Variants in ME1 observed in about 807,000 individuals in gnomAD.
ME1 encodes the protein malic enzyme 1.
In ME1, 74 loss-of-function variants were observed where a neutral mutation model predicts 66.4. The observed-to-expected ratio is 1.11, with a 90% CI of 0.92 to 1.35. ME1 has a LOEUF of 1.35. Ranked by LOEUF, ME1 falls within the 40% of genes most tolerant of loss-of-function variation. The pLI is 0.00. For missense variants in ME1, 750 were observed against 694.1 expected (o/e 1.08, Z -0.90); for synonymous variants, 251 against 235.6 (o/e 1.07, Z -0.60).
intron 6 of ME1, among the ~76,000 whole-genome samples, chr6:83,292,565 G>A (rs1468956600): frequency 6.6e-6 from 1 of 152,208 alleles, no homozygotes; most frequent in Non-Finnish European, 1.5e-5. Flanking sequence ...TCCCAGTCAG[G>A]CTACACAGGG....
intron 6 of ME1, among the ~76,000 whole-genome samples, chr6:83,294,377 A>G (rs1402321985): frequency 6.6e-6 from 1 of 152,138 alleles, no homozygotes; most frequent in Non-Finnish European, 1.5e-5. Flanking sequence ...CTCAGCCCTC[A>G]TTCAGCAACC....
At position 83,376,804 on chromosome 6, in the gene ME1, C is replaced by CAAAAAAAAAAAA. The variant is rs70987750; in HGVS notation, c.362+21551_362+21562dup. 1.1e-3 allele frequency among the ~76,000 whole-genome samples: 94 copies of CAAAAAAAAAAAA among 87,106 alleles called. 1 individual carries two copies. The highest frequency in any genetic ancestry group is 1.7e-3 in the Non-Finnish European group (72 of 41,220). 57.1% of individuals were successfully genotyped at this position (87,106 alleles called of 152,430 possible). A position where few individuals can be genotyped will look rare whatever the true frequency, so the allele number is the denominator to read the frequency against. ...GGCGACAGAACCAGACCCTGTCTCA[C>CAAAAAAAAAAAA]AAAAAAAAAAAAAAAATTCAAAAAA... On this transcript the variant is annotated intron_variant, in intron 3 of 13. Coordinates refer to ENST00000369705, the MANE Select transcript of ME1 (RefSeq NM_002395.6).
chr6:83,403,347 GT>G (rs1769871862), intron 2 of ME1, among the ~76,000 whole-genome samples: 2 of 152,176 alleles, frequency 1.3e-5, no homozygotes, highest in Admixed American at 1.3e-4. Flanking sequence ...ATTTCTCATA[GT>G]TTTGTAGGCC....
intron 2 of ME1, among the ~76,000 whole-genome samples, chr6:83,406,917 C>T (rs951158918): frequency 1.3e-5 from 2 of 150,702 alleles, no homozygotes; most frequent in African/African-American, 4.9e-5. Context: ...TTTAACAAGC[C>T]TTCTCCCTCT....
chr6:83,247,701 A>G (rs958696403), intron 7 of ME1, among the ~76,000 whole-genome samples: 8 of 152,146 alleles, frequency 5.3e-5, no homozygotes, highest in African/African-American at 7.2e-5. Context: ...CATAAGGTTA[A>G]AAAGGTAAAA....
chr6:83,394,233 T>A (rs1562001440), intron 3 of ME1, among the ~76,000 whole-genome samples: 1 of 152,066 alleles, frequency 6.6e-6, no homozygotes. Context: ...GTGCTATTAA[T>A]GTAGTTTAGT....
chr6:83,376,325 CAT>C (rs1183834953), intron 3 of ME1, among the ~76,000 whole-genome samples: 2 of 151,924 alleles, frequency 1.3e-5, no homozygotes, highest in Non-Finnish European at 2.9e-5. Context: ...GGTGAAACCC[CAT>C]CTCTACTAAA....
chr6:83,254,283 G>A (rs553942032), intron 6 of ME1, among the ~76,000 whole-genome samples: 1 of 152,236 alleles, frequency 6.6e-6, no homozygotes, highest in African/African-American at 2.4e-5. Context: ...TAAATGTAAG[G>A]GTGTAGTGAA....
At chr6:83,319,670 C>T (rs1768115430) in intron 5 of ME1, among the ~76,000 whole-genome samples, 1 of 152,112 alleles carries the variant, frequency 6.6e-6, no homozygotes, top group East Asian at 1.9e-4. Flanking sequence ...AGCCAAGAAC[C>T]CAGAAGGCAA....
chr6:83,291,242 T>C (rs905475007), intron 6 of ME1, among the ~76,000 whole-genome samples: 1 of 152,248 alleles, frequency 6.6e-6, no homozygotes, highest in Non-Finnish European at 1.5e-5. Context: ...TGGCCTGTTT[T>C]TGCAGTGGCT....
chr6:83,272,679 A>C (rs1189933546), intron 6 of ME1, among the ~76,000 whole-genome samples: 1 of 152,190 alleles, frequency 6.6e-6, no homozygotes, highest in Non-Finnish European at 1.5e-5. Flanking sequence ...TCAAACAACT[A>C]AATGCAAGAT....
At chr6:83,340,192 AATAG>A (rs1210056301) in intron 5 of ME1, among the ~76,000 whole-genome samples, 1 of 152,170 alleles carries the variant, frequency 6.6e-6, no homozygotes, top group Admixed American at 6.6e-5. Flanking sequence ...GAGTTTCAGT[AATAG>A]ATAAACATAT....
At position 83,227,397 on chromosome 6, in the gene ME1, C is replaced by G. The variant is rs1790217395; in HGVS notation, c.1213G>C (p.Ala405Pro). ...GCTTTGCTAGTTGGATTACTCAAAG[C>G]AAAAATAATAGGCCGTTCATTGAAG... is the stretch of plus-strand genomic sequence containing the variant. ...AAFNERPIIF[A>P]LSNPTSKAEC... Residue 405 changes from alanine (A) to proline (P), a missense_variant, in exon 11 of 14, where the codon GCT (alanine) becomes CCT (proline). Transcript: ENST00000369705. 1.9e-6 allele frequency: 3 copies of G among 1,606,636 alleles called. No homozygotes were observed.
rs1160143574 is a variant in ME1, at chr6:83,212,028, A to C, written c.1615T>G (p.Phe539Val). The change falls in exon 14 of 14, where the codon TTT becomes GTT. Residue 539 changes from phenylalanine to valine, a missense_variant. By Grantham distance (50) the Phe-to-Val change is conservative. Coordinates refer to ENST00000369705, the MANE Select transcript of ME1 (RefSeq NM_002395.6). ...VYPEPQNKEA[F>V]VRSQMYSTDY... ...GTACTATACATCTGGGAGCGGACAA[A>C]TGCTTCTTTGTTTTGCGGTTCAGGA... The C allele has an allele frequency of 1.2e-6, 2 of 1,613,038 alleles. No homozygotes were observed. Among genetic ancestry groups the C allele is most frequent in the Non-Finnish European group, 8.5e-7 (1 of 1,179,348 alleles).
intron 6 of ME1, among the ~76,000 whole-genome samples, chr6:83,299,697 T>C (rs543214744): frequency 2.7e-4 from 41 of 152,350 alleles, no homozygotes; most frequent in African/African-American, 9.6e-4. Context: ...AGGGTAATGC[T>C]TCCAGTTTTT....
chr6:83,248,230 C>A (rs1422773205), intron 7 of ME1, among the ~76,000 whole-genome samples: 1 of 152,128 alleles, frequency 6.6e-6, no homozygotes, highest in Non-Finnish European at 1.5e-5. Flanking sequence ...ATTAACTCTG[C>A]ATGATAATTA....
intron 11 of ME1, among the ~76,000 whole-genome samples, chr6:83,224,621 T>C (rs957054710): frequency 1.0e-4 from 15 of 149,322 alleles, no homozygotes; most frequent in African/African-American, 3.2e-4. Flanking sequence ...GAGGCAGAGG[T>C]TGCAGTGAGC....
At chr6:83,310,433 G>A (rs1163213376) in intron 6 of ME1, among the ~76,000 whole-genome samples, 1 of 152,046 alleles carries the variant, frequency 6.6e-6, no homozygotes, top group Non-Finnish European at 1.5e-5. Flanking sequence ...TAATCTCAAG[G>A]GCACTTCTTA....
chr6:83,342,556 C>A (rs1768607426), intron 5 of ME1, among the ~76,000 whole-genome samples: 1 of 152,142 alleles, frequency 6.6e-6, no homozygotes, highest in Non-Finnish European at 1.5e-5. Context: ...ATATTCAATA[C>A]TTTTTAAAAA....
Sources: allele counts gnomAD v4.1 joint callset (sites outside exome capture counted in the v4.1 genomes callset), GRCh38; gene constraint gnomAD v4.1.1; transcripts MANE v1.5; gene names NCBI Gene and HGNC (gene_info 2026-07-23, HGNC 2026-07-21).